Variants in SGCZ observed in about 807,000 individuals in gnomAD.
The protein encoded by SGCZ is zeta-sarcoglycan.
A neutral mutation model predicts 41.3 loss-of-function variants in SGCZ; 40 were observed. The observed-to-expected ratio is 0.97, with a 90% confidence interval of 0.75 to 1.26. The LOEUF (loss-of-function observed/expected upper bound fraction) is 1.26. SGCZ is among the 50% of genes most tolerant of loss of function. The probability of loss-of-function intolerance (pLI) is 0.00; values close to 1 mark genes in which losing one functional copy is unlikely to be tolerated. For synonymous variants in SGCZ, 206 were observed against 137.5 expected, an observed-to-expected ratio of 1.50 and a Z score of -3.49; for missense variants, 552 against 369.8, an observed-to-expected ratio of 1.49 and a Z score of -4.04.
chr8:15,221,540 C>T (rs1801602341), intron 1 of SGCZ, among the ~76,000 whole-genome samples: 1 of 152,088 alleles, frequency 6.6e-6, no homozygotes, highest in African/African-American at 2.4e-5. Flanking sequence ...CTATCATAGG[C>T]TAGTTCAAAA....
Position 14,473,783 on chromosome 8 carries a change from A to C in SGCZ, c.234+80949T>G, listed in dbSNP as rs954510996. Among the ~76,000 whole-genome samples the C allele has an allele frequency of 1.3e-4, 19 of 151,816 alleles. 1 individual carries two copies. On this transcript the variant is annotated intron_variant, in intron 2 of 7. Transcript: ENST00000382080. ...AAACCCTGTCTCTACTAAAAATACA[A>C]AAAAATTAGCCAGGCGTGGTGGCGG...
chr8:14,274,843 G>A (rs960310991), intron 3 of SGCZ, among the ~76,000 whole-genome samples: 2 of 151,744 alleles, frequency 1.3e-5, no homozygotes, highest in Non-Finnish European at 2.9e-5. Flanking sequence ...AATAATAATA[G>A]TGATAATTAT....
intron 1 of SGCZ, among the ~76,000 whole-genome samples, chr8:14,794,536 G>A (rs1189922910): frequency 2.0e-5 from 3 of 152,046 alleles, no homozygotes; most frequent in Admixed American, 6.6e-5. Flanking sequence ...TAATATATGA[G>A]AAAAGACTGT....
intron 1 of SGCZ, among the ~76,000 whole-genome samples, chr8:14,786,748 A>G (rs1387159227): frequency 6.6e-6 from 1 of 152,020 alleles, no homozygotes; most frequent in Non-Finnish European, 1.5e-5. Flanking sequence ...ATTACAATGA[A>G]TATGTCATAA....
chr8:14,319,424 G>T (rs1801843609), intron 3 of SGCZ: 1 of 152,026 alleles, frequency 6.6e-6, no homozygotes, highest in East Asian at 1.9e-4. Context: ...CCCGAAGCAT[G>T]AATGATTTCA....
At chr8:14,653,809 T>TA (rs144193371) in intron 1 of SGCZ, among the ~76,000 whole-genome samples, 8,972 of 152,070 alleles carry the variant, frequency 0.059, 333 homozygotes, top group Middle Eastern at 0.12. Context: ...CCATTCATAT[T>TA]AAAAAAACCC....
At chr8:14,551,115 T>TA (rs1205889518) in intron 2 of SGCZ, among the ~76,000 whole-genome samples, 4 of 138,838 alleles carry the variant, frequency 2.9e-5, no homozygotes, top group South Asian at 2.6e-4. Flanking sequence ...ATATTGTAAT[T>TA]CTTTTTTTTT....
At chr8:14,721,653 T>A (rs1219210768) in intron 1 of SGCZ, among the ~76,000 whole-genome samples, 5 of 152,198 alleles carry the variant, frequency 3.3e-5, no homozygotes, top group African/African-American at 1.2e-4. Flanking sequence ...GGTTTTATAA[T>A]TTGTCACCCT....
At chr8:14,536,804 A>C (rs1306034567) in intron 2 of SGCZ, among the ~76,000 whole-genome samples, 1 of 152,024 alleles carries the variant, frequency 6.6e-6, no homozygotes, top group African/African-American at 2.4e-5. Flanking sequence ...TCATGAGTTA[A>C]TGTGAAGATA....
At chr8:14,534,859 C>G (rs747607661) in intron 2 of SGCZ, among the ~76,000 whole-genome samples, 1 of 151,940 alleles carries the variant, frequency 6.6e-6, no homozygotes, top group Non-Finnish European at 1.5e-5. Context: ...CCATCTAGTA[C>G]TGTACCATCT....
chr8:15,161,201 C>G (rs895802688), intron 1 of SGCZ, among the ~76,000 whole-genome samples: 3 of 152,084 alleles, frequency 2.0e-5, no homozygotes, highest in Non-Finnish European at 4.4e-5. Context: ...ATATACCCAC[C>G]TACTCCAACA....
intron 1 of SGCZ, among the ~76,000 whole-genome samples, chr8:14,669,712 AC>A (rs1808041482): frequency 6.6e-6 from 1 of 151,848 alleles, no homozygotes; most frequent in Non-Finnish European, 1.5e-5. Flanking sequence ...ACACACACAC[AC>A]ACACACACAC....
intron 1 of SGCZ, among the ~76,000 whole-genome samples, chr8:14,733,429 G>C (rs780997738): frequency 6.6e-6 from 1 of 152,022 alleles, no homozygotes. Flanking sequence ...TCTAGAAATC[G>C]GTGCAGACAA....
intron 4 of SGCZ, among the ~76,000 whole-genome samples, chr8:14,173,612 C>A (rs73524173): frequency 6.6e-6 from 1 of 151,918 alleles, no homozygotes; most frequent in East Asian, 1.9e-4. Flanking sequence ...ATAAATACAA[C>A]GTCCATGAGC....
chr8:14,798,380 G>C (rs929129367), intron 1 of SGCZ, among the ~76,000 whole-genome samples: 8 of 152,070 alleles, frequency 5.3e-5, no homozygotes, highest in African/African-American at 1.4e-4. Flanking sequence ...TTATCATAAA[G>C]TATGTTACTT....
At chr8:14,207,909 G>A (rs553115334) in intron 4 of SGCZ, among the ~76,000 whole-genome samples, 34 of 152,232 alleles carry the variant, frequency 2.2e-4, no homozygotes, top group African/African-American at 7.9e-4. Context: ...AAACTGGCTG[G>A]TGGTTGTGAT....
At chr8:14,904,283 A>C (rs10100097) in intron 1 of SGCZ, among the ~76,000 whole-genome samples, 1 of 151,848 alleles carries the variant, frequency 6.6e-6, no homozygotes, top group Non-Finnish European at 1.5e-5. Flanking sequence ...CGTTCCTGAA[A>C]ACAGCATTGT....
At chr8:14,932,587 T>A (rs920580006) in intron 1 of SGCZ, among the ~76,000 whole-genome samples, 1 of 151,972 alleles carries the variant, frequency 6.6e-6, no homozygotes, top group African/African-American at 2.4e-5. Context: ...ATAACATATT[T>A]TACTAAAAGA....
chr8:14,154,597 T>A (rs893858962), intron 5 of SGCZ, among the ~76,000 whole-genome samples: 2 of 152,220 alleles, frequency 1.3e-5, no homozygotes, highest in African/African-American at 2.4e-5. Flanking sequence ...ATGTGCATAA[T>A]TTTTAAAAAT....
Sources: allele counts gnomAD v4.1 joint callset (sites outside exome capture counted in the v4.1 genomes callset), GRCh38; gene constraint gnomAD v4.1.1; transcripts MANE v1.5; gene names NCBI Gene and HGNC (gene_info 2026-07-23, HGNC 2026-07-21).